MCUB: variants seen among roughly 807,000 people sequenced by gnomAD.
MCUB encodes the protein calcium uniporter regulatory subunit MCUb, mitochondrial.
A neutral mutation model predicts 41.4 loss-of-function variants in MCUB; 46 were observed. That is an observed-to-expected ratio of 1.11 (90% confidence interval 0.88 to 1.42). The LOEUF is 1.42. MCUB is among the 40% of genes most tolerant of loss of function. The pLI is 0.00. For synonymous variants in MCUB, 148 were observed against 148.2 expected, an observed-to-expected ratio of 1.00 and a Z score of 0.01; for missense variants, 403 against 404.9, an observed-to-expected ratio of 1.00 and a Z score of 0.04.
At chr4:109,682,474 CTGTGGATCCTAAGATAATATT>C in intron 4 of MCUB, 87 bp from the exon 5 acceptor site, 2 of 866,138 alleles carry the variant, frequency 2.3e-6, no homozygotes, top group South Asian at 3.3e-5. Flanking sequence ...CTTCCTTACC[CTGTGGATCCTAAGATAATATT>C]TGGAAAGAGA....
chr4:109,684,347 C>G, intron 5 of MCUB, 96 bp from the exon 6 acceptor site: 1 of 956,708 alleles, frequency 1.0e-6, no homozygotes, highest in Admixed American at 2.9e-5. Context: ...CAGGCGTGAG[C>G]CACCGCGCCC....
intron 1 of MCUB, among the ~76,000 whole-genome samples, chr4:109,602,970 T>G (rs1279995603): frequency 2.6e-5 from 4 of 152,208 alleles, no homozygotes; most frequent in Non-Finnish European, 4.4e-5. Context: ...TGGGATTACT[T>G]TTTTATTTTT....
chr4:109,601,696 A>C (rs1192027558), intron 1 of MCUB, among the ~76,000 whole-genome samples: 1 of 152,218 alleles, frequency 6.6e-6, no homozygotes, highest in Non-Finnish European at 1.5e-5. Context: ...TGCAGTAAAC[A>C]TGGGAGTGCA....
At chr4:109,589,553 C>G (rs9997315) in intron 1 of MCUB, among the ~76,000 whole-genome samples, 2,744 of 152,250 alleles carry the variant, frequency 0.018, 59 homozygotes, top group South Asian at 0.072. Flanking sequence ...TTGCCATCCT[C>G]CGTGCTGGGA....
chr4:109,564,279 G>A (rs1380992078), intron 1 of MCUB, among the ~76,000 whole-genome samples: 1 of 152,082 alleles, frequency 6.6e-6, no homozygotes, highest in East Asian at 1.9e-4. Flanking sequence ...TTACAGGCAT[G>A]TGCCACCATG....
At chr4:109,641,446 G>A (rs781302030) in intron 1 of MCUB, among the ~76,000 whole-genome samples, 7 of 152,046 alleles carry the variant, frequency 4.6e-5, no homozygotes, top group South Asian at 4.2e-4. Context: ...CATCCTATAC[G>A]ACCATGTTTC....
intron 1 of MCUB, among the ~76,000 whole-genome samples, chr4:109,622,083 T>C (rs1347412341): frequency 6.6e-6 from 1 of 151,414 alleles, no homozygotes; most frequent in Non-Finnish European, 1.5e-5. Flanking sequence ...AGTTTCACCA[T>C]GTTGGCCAGG....
chr4:109,648,694 A>ATT (rs34522361), intron 1 of MCUB: 2,401 of 238,486 alleles, frequency 0.01, no homozygotes, highest in South Asian at 0.017. Context: ...TAGCAGTTTG[A>ATT]TTTTTTTTTT....
At chr4:109,634,099 A>G (rs1023797716) in intron 1 of MCUB, among the ~76,000 whole-genome samples, 3 of 152,208 alleles carry the variant, frequency 2.0e-5, no homozygotes, top group African/African-American at 7.2e-5. Flanking sequence ...ACATTCATAT[A>G]GAAAATGTAT....
At chr4:109,621,453 G>GA (rs374284448) in intron 1 of MCUB, among the ~76,000 whole-genome samples, 11 of 149,498 alleles carry the variant, frequency 7.4e-5, no homozygotes, top group Middle Eastern at 6.9e-3. Context: ...CATATTTGAG[G>GA]AAAAAAAAAG....
intron 1 of MCUB, among the ~76,000 whole-genome samples, chr4:109,653,248 A>G (rs1042906539): frequency 5.3e-5 from 8 of 151,960 alleles, no homozygotes; most frequent in African/African-American, 1.9e-4. Context: ...GCTTGGTGGC[A>G]TGCACCCGTA....
intron 1 of MCUB, among the ~76,000 whole-genome samples, chr4:109,606,408 T>C (rs925210627): frequency 1.1e-4 from 17 of 152,148 alleles, no homozygotes; most frequent in Admixed American, 3.3e-4. Context: ...GTTTTGTGGT[T>C]GTTTTGTGGT....
chr4:109,580,108 T>C (rs989434603), intron 1 of MCUB, among the ~76,000 whole-genome samples: 2 of 151,370 alleles, frequency 1.3e-5, no homozygotes, highest in African/African-American at 2.4e-5. Context: ...CAGTTCCCAA[T>C]TGTGAGTGAG....
chr4:109,595,760 T>C (rs528678836), intron 1 of MCUB, among the ~76,000 whole-genome samples: 1 of 152,410 alleles, frequency 6.6e-6, no homozygotes, highest in East Asian at 1.9e-4. Flanking sequence ...AAAGGTTTAT[T>C]TGAGGTTAGA....
intron 1 of MCUB, among the ~76,000 whole-genome samples, chr4:109,612,903 A>G (rs144627202): frequency 0.064 from 9,682 of 152,152 alleles, 350 homozygotes; most frequent in South Asian, 0.14. Flanking sequence ...TCAGGAGATC[A>G]AGACCATCCT....
At position 109,577,862 on chromosome 4, in the gene MCUB, G is replaced by A. The variant is rs1265936156; in HGVS notation, c.99+17426G>A. 2.8e-5 allele frequency among the ~76,000 whole-genome samples: 4 copies of A among 140,860 alleles called. 1 individual carries two copies. Among genetic ancestry groups the A allele is most frequent in the East Asian group, 2.1e-4 (1 of 4,760 alleles). 92.4% of individuals were successfully genotyped at this position (140,860 alleles called of 152,430 possible). ...CCTGACCTCGTGATCCGCCCGCCTC[G>A]GCCTCCCAAAGTGCTGGGATTACAG... On this transcript the variant is annotated intron_variant, in intron 1 of 7. Coordinates refer to ENST00000394650, the MANE Select transcript of MCUB (RefSeq NM_017918.5).
At chr4:109,604,189 T>G (rs984230318) in intron 1 of MCUB, among the ~76,000 whole-genome samples, 2 of 151,584 alleles carry the variant, frequency 1.3e-5, no homozygotes, top group Admixed American at 6.6e-5. Flanking sequence ...GAAGGCAGCA[T>G]GCTCGTTAAG....
chr4:109,680,805 G>A (rs1230936429), intron 4 of MCUB, among the ~76,000 whole-genome samples: 1 of 152,174 alleles, frequency 6.6e-6, no homozygotes, highest in Non-Finnish European at 1.5e-5. Flanking sequence ...GTTGTTTGCT[G>A]CTGCCTGGTG....
rs943157562 is a variant in MCUB at position 109,658,979 on chromosome 4, T to TA, written c.100-25dup. 60 of 1,250,042 alleles carry TA rather than the reference T, an allele frequency of 4.8e-5. No homozygotes were observed. In the East Asian group the frequency reaches 9.6e-4, roughly 20 times the overall value. The allele number at this position is 1,250,042 out of a possible 1,614,324, so 77.4% of individuals were successfully genotyped here. On this transcript the variant is annotated intron_variant, in intron 1 of 7. Coordinates refer to ENST00000394650, the MANE Select transcript of MCUB (RefSeq NM_017918.5). ...TATTTCATCTTTCCCACTCTTTTTT[T>TA]AAAAAAACAAATTAATTTTTCCTTC...
Sources: gnomAD v4.1 joint callset for allele counts (sites outside exome capture counted in the v4.1 genomes callset) on GRCh38, gnomAD v4.1.1 for gene constraint, MANE v1.5 for transcripts, NCBI Gene and HGNC (gene_info 2026-07-23, HGNC 2026-07-21) for gene names.